LRIG1: variants seen among roughly 807,000 people sequenced by gnomAD.
LRIG1 encodes leucine-rich repeats and immunoglobulin-like domains protein 1.
A neutral mutation model predicts 99.2 loss-of-function variants in LRIG1; 48 were observed. The observed-to-expected ratio is 0.48, with a 90% confidence interval of 0.38 to 0.62. The LOEUF is 0.62. Among genes scored for constraint, LRIG1 ranks in the 20% least tolerant of loss-of-function variants. LRIG1 has a pLI of 0.00. For missense variants in LRIG1, 1,646 were observed against 1,434.4 expected, an observed-to-expected ratio of 1.15 and a Z score of -2.38; for synonymous variants, 772 against 596.1, an observed-to-expected ratio of 1.29 and a Z score of -4.30.
At chr3:66,412,720 C>T in intron 6 of LRIG1, 151 bp downstream of exon 6, 1 of 880,200 alleles carries the variant, frequency 1.1e-6, no homozygotes, top group Non-Finnish European at 1.8e-6. Flanking sequence ...ACACACCCCA[C>T]ACCACACAGC....
At chr3:66,445,374 A>C (rs192989409) in intron 3 of LRIG1, among the ~76,000 whole-genome samples, 1 of 152,228 alleles carries the variant, frequency 6.6e-6, no homozygotes, top group East Asian at 1.9e-4. Context: ...AGCCTGTCCA[A>C]AGTAGCATGG....
chr3:66,492,345 G>A (rs1157701025), intron 1 of LRIG1, among the ~76,000 whole-genome samples: 1 of 152,184 alleles, frequency 6.6e-6, no homozygotes, highest in Non-Finnish European at 1.5e-5. Context: ...ATTGGTGGAA[G>A]GAGCAAAACA....
intron 1 of LRIG1, among the ~76,000 whole-genome samples, chr3:66,496,507 CAAAAG>C (rs780694546): frequency 2.0e-5 from 3 of 152,154 alleles, no homozygotes; most frequent in Non-Finnish European, 2.9e-5. Context: ...ACACTTGTTG[CAAAAG>C]AAAAGGACTC....
At chr3:66,430,033 C>A (rs1703115993) in intron 3 of LRIG1, among the ~76,000 whole-genome samples, 1 of 152,058 alleles carries the variant, frequency 6.6e-6, no homozygotes, top group Admixed American at 6.5e-5. Context: ...AGCCTTAGCC[C>A]CCAGAATAAC....
chr3:66,382,074 A>C (rs1701108642), intron 16 of LRIG1, among the ~76,000 whole-genome samples, 199 bp downstream of exon 16: 1 of 152,202 alleles, frequency 6.6e-6, no homozygotes, highest in Non-Finnish European at 1.5e-5. Flanking sequence ...TGGCTTCCTG[A>C]GGGGACAGGA....
intron 1 of LRIG1, among the ~76,000 whole-genome samples, chr3:66,495,171 C>G (rs1701198686): frequency 6.6e-6 from 1 of 152,208 alleles, no homozygotes; most frequent in Non-Finnish European, 1.5e-5. Flanking sequence ...GGCTCAGTGT[C>G]ATGCTTAAGT....
chr3:66,391,526 C>T (rs1200488028), intron 12 of LRIG1, among the ~76,000 whole-genome samples: 4 of 152,046 alleles, frequency 2.6e-5, no homozygotes, highest in African/African-American at 9.7e-5. Flanking sequence ...TACAAGAGAC[C>T]GTATACTGTA....
chr3:66,500,086 A>G (rs1386034458), intron 1 of LRIG1, 104 bp downstream of exon 1: 6 of 884,622 alleles, frequency 6.8e-6, no homozygotes, highest in Non-Finnish European at 1.7e-6. Flanking sequence ...AACTCCACAC[A>G]CACAACCCAG....
chr3:66,460,480 C>A (rs1700330949), intron 2 of LRIG1, among the ~76,000 whole-genome samples: 1 of 152,050 alleles, frequency 6.6e-6, no homozygotes, highest in African/African-American at 2.4e-5. Flanking sequence ...GGAGATGGGG[C>A]CTTTGAAGAG....
At chr3:66,458,513 C>T (rs1700279718) in intron 2 of LRIG1, among the ~76,000 whole-genome samples, 1 of 151,850 alleles carries the variant, frequency 6.6e-6, no homozygotes, top group South Asian at 2.1e-4. Flanking sequence ...ACCAGCCTGG[C>T]CAACACGGCG....
At chr3:66,437,456 T>C (rs984840344) in intron 3 of LRIG1, among the ~76,000 whole-genome samples, 6 of 152,206 alleles carry the variant, frequency 3.9e-5, no homozygotes, top group Non-Finnish European at 8.8e-5. Context: ...CTTGACACCC[T>C]GCCTGCCTCT....
intron 2 of LRIG1, among the ~76,000 whole-genome samples, chr3:66,453,822 G>T (rs1362516286): frequency 6.6e-6 from 1 of 152,210 alleles, no homozygotes; most frequent in African/African-American, 2.4e-5. Flanking sequence ...TTTTAAACCT[G>T]AAACAAAGCG....
intron 3 of LRIG1, among the ~76,000 whole-genome samples, chr3:66,432,599 G>A (rs974804731): frequency 6.6e-6 from 1 of 152,170 alleles, no homozygotes; most frequent in Non-Finnish European, 1.5e-5. Flanking sequence ...GGATGCTAAG[G>A]CACGGAAAGG....
chr3:66,457,179 G>A (rs949495213), intron 2 of LRIG1, among the ~76,000 whole-genome samples: 5 of 152,246 alleles, frequency 3.3e-5, no homozygotes, highest in African/African-American at 9.6e-5. Context: ...TATAAAGTTT[G>A]GGAGAGCTGA....
intron 3 of LRIG1, among the ~76,000 whole-genome samples, chr3:66,427,344 A>T (rs576610678): frequency 1.4e-4 from 21 of 152,340 alleles, no homozygotes; most frequent in African/African-American, 5.0e-4. Context: ...AATCCACACA[A>T]TGTGAGACTA....
At chr3:66,417,815 C>T (rs146960266) in intron 3 of LRIG1, among the ~76,000 whole-genome samples, 25 of 151,790 alleles carry the variant, frequency 1.6e-4, no homozygotes, top group African/African-American at 4.8e-4. Flanking sequence ...AAAAAGATTA[C>T]GACAAAATCC....
At chr3:66,467,357 ATTTTTTT>A (rs11360909) in intron 1 of LRIG1, among the ~76,000 whole-genome samples, 1 of 99,952 alleles carries the variant, frequency 1.0e-5, no homozygotes, top group African/African-American at 3.6e-5. Context: ...CACACTAGCT[ATTTTTTT>A]TTTTTTTTTT....
chr3:66,392,699 G>A (rs944063368), intron 12 of LRIG1, among the ~76,000 whole-genome samples: 6 of 152,182 alleles, frequency 3.9e-5, no homozygotes, highest in African/African-American at 1.4e-4. Flanking sequence ...CAGGCTGGGG[G>A]CTAGGTGAAC....
At chr3:66,486,467 C>G (rs1476441202) in intron 1 of LRIG1, among the ~76,000 whole-genome samples, 1 of 152,166 alleles carries the variant, frequency 6.6e-6, no homozygotes, top group African/African-American at 2.4e-5. Context: ...GACAAGGACA[C>G]AACATTATCT....
Sources: gnomAD v4.1 joint callset for allele counts (sites outside exome capture counted in the v4.1 genomes callset) on GRCh38, gnomAD v4.1.1 for gene constraint, MANE v1.5 for transcripts, NCBI Gene and HGNC (gene_info 2026-07-23, HGNC 2026-07-21) for gene names.